Variants in VKORC1L1 observed in about 807,000 individuals in gnomAD.
VKORC1L1 encodes the protein vitamin K epoxide reductase complex subunit 1-like protein 1.
VKORC1L1 carries 2 observed loss-of-function variants against 18.9 expected under a neutral mutation model. The observed-to-expected ratio is 0.11, with a 90% CI of 0.04 to 0.33. VKORC1L1 has a LOEUF of 0.33. Among genes scored for constraint, VKORC1L1 ranks in the 10% least tolerant of loss-of-function variants. The pLI, the probability that VKORC1L1 is intolerant of heterozygous loss-of-function variation, is 1.00. For synonymous variants in VKORC1L1, 96 were observed against 100.0 expected (o/e 0.96, Z 0.24); for missense variants, 123 against 224.1 (o/e 0.55, Z 2.88).
intron 1 of VKORC1L1, among the ~76,000 whole-genome samples, chr7:65,905,047 A>ATATGTATACATATAGGTATGTATATG (rs1362056462): frequency 2.6e-5 from 4 of 151,978 alleles, no homozygotes; most frequent in African/African-American, 9.7e-5. Flanking sequence ...GTATGTATAT[A>ATATGTATACATATAGGTATGTATATG]TATACACCTA....
chr7:65,879,188 C>T (rs981241292), intron 1 of VKORC1L1, among the ~76,000 whole-genome samples: 3 of 152,102 alleles, frequency 2.0e-5, no homozygotes, highest in Non-Finnish European at 2.9e-5. Flanking sequence ...TGCTCCCATA[C>T]TTTAAATGCT....
chr7:65,954,525 A>G lies in VKORC1L1; in HGVS notation c.*225A>G. ...CAAAAAGGATACGCCGAGCCAATCA[A>G]AGACAAGCTTTAACTTTACTTTGAA... On this transcript the variant is annotated 3_prime_UTR_variant, in exon 3 of 3. Transcript: ENST00000360768. The G allele has an allele frequency of 2.7e-6, 2 of 754,474 alleles. No homozygotes were observed. Among genetic ancestry groups the G allele is most frequent in the Non-Finnish European group, 3.9e-6 (2 of 514,476 alleles). 46.7% of individuals were successfully genotyped at this position (754,474 alleles called of 1,614,324 possible). A position where few individuals can be genotyped will look rare whatever the true frequency, so the allele number is the denominator to read the frequency against.
intron 1 of VKORC1L1, among the ~76,000 whole-genome samples, chr7:65,881,630 C>G (rs1259409983): frequency 1.3e-5 from 2 of 152,136 alleles, no homozygotes; most frequent in Non-Finnish European, 2.9e-5. Flanking sequence ...CACACACATA[C>G]TGCATATAAA....
At chr7:65,939,767 A>G (rs1373514956) in intron 1 of VKORC1L1, among the ~76,000 whole-genome samples, 1 of 152,210 alleles carries the variant, frequency 6.6e-6, no homozygotes, top group South Asian at 2.1e-4. Context: ...TCAACCAGGC[A>G]CAGTGGTGTC....
intron 1 of VKORC1L1, among the ~76,000 whole-genome samples, chr7:65,898,682 AATTTTT>A (rs1789259262): frequency 6.6e-6 from 1 of 152,198 alleles, no homozygotes; most frequent in Non-Finnish European, 1.5e-5. Flanking sequence ...CATTTTTTAA[AATTTTT>A]AATTGTGATA....
In VKORC1L1 at chr7:65,958,132, G is replaced by A. The variant is rs892256151; in HGVS notation, c.*3832G>A. 3 of 152,068 alleles carry A rather than the reference G, an allele frequency of 2.0e-5. No homozygotes were observed. The highest frequency in any genetic ancestry group is 2.9e-5 in the Non-Finnish European group (2 of 68,044). The allele number at this position is 152,068 out of a possible 1,614,324, so 9.4% of individuals were successfully genotyped here. ...TGAAACATTTCAGACACCTCAGGCA[G>A]CACTTATGGTTTCTAATTGTGAGAA... is the stretch of plus-strand genomic sequence containing the variant. On this transcript the variant is annotated 3_prime_UTR_variant, in exon 3 of 3. Coordinates refer to ENST00000360768, the MANE Select transcript of VKORC1L1 (RefSeq NM_173517.6).
intron 1 of VKORC1L1, among the ~76,000 whole-genome samples, chr7:65,880,670 A>T (rs1205077697): frequency 6.6e-6 from 1 of 152,154 alleles, no homozygotes; most frequent in Non-Finnish European, 1.5e-5. Context: ...ATTTAAGAGG[A>T]GTTCATTTCC....
At chr7:65,868,947 T>C (rs1788693258), upstream of VKORC1L1, among the ~76,000 whole-genome samples, 1 of 152,058 alleles carries the variant, frequency 6.6e-6, no homozygotes, top group Admixed American at 6.6e-5. Flanking sequence ...TTGCCCCTGG[T>C]CCAGTTGTGA....
Position 65,954,553 on chromosome 7 carries a change from G to A in VKORC1L1, c.*253G>A. Reference sequence around the variant, plus strand: ...ACAAGCTTTAACTTTACTTTGAAGTGTTTCTGAAATGATAAAATGTAGCCC... The same window carrying A: ...ACAAGCTTTAACTTTACTTTGAAGTATTTCTGAAATGATAAAATGTAGCCC... On this transcript the variant is annotated 3_prime_UTR_variant, in exon 3 of 3. Coordinates refer to ENST00000360768, the MANE Select transcript of VKORC1L1 (RefSeq NM_173517.6). The A allele has an allele frequency of 1.6e-6, 1 of 615,676 alleles. No homozygotes were observed. Among genetic ancestry groups the A allele is most frequent in the Non-Finnish European group, 2.5e-6 (1 of 395,936 alleles). 38.1% of individuals were successfully genotyped at this position (615,676 alleles called of 1,614,324 possible).
intron 2 of VKORC1L1, among the ~76,000 whole-genome samples, chr7:65,949,152 C>T (rs557854229): frequency 3.9e-5 from 6 of 152,194 alleles, no homozygotes; most frequent in South Asian, 2.1e-4. Context: ...ATTACCTTTA[C>T]ATATCCACTA....
chr7:65,928,666 G>A (rs376470446), intron 1 of VKORC1L1, among the ~76,000 whole-genome samples: 1 of 152,162 alleles, frequency 6.6e-6, no homozygotes, highest in Non-Finnish European at 1.5e-5. Flanking sequence ...TGTTGCTTAC[G>A]TGTGGGACAA....
At chr7:65,871,221 A>C (rs1373544349), upstream of VKORC1L1, among the ~76,000 whole-genome samples, 1 of 144,264 alleles carries the variant, frequency 6.9e-6, no homozygotes, top group Non-Finnish European at 1.5e-5. Flanking sequence ...TTTGAGATGG[A>C]GTTTTTCCTT....
At chr7:65,876,840 G>A (rs1196346404) in intron 1 of VKORC1L1, among the ~76,000 whole-genome samples, 2 of 152,024 alleles carry the variant, frequency 1.3e-5, no homozygotes, top group African/African-American at 4.8e-5. Context: ...GAGCTCAGGA[G>A]TTTCAGACCA....
intron 1 of VKORC1L1, among the ~76,000 whole-genome samples, chr7:65,921,102 A>C (rs529936212): frequency 7.9e-5 from 12 of 151,862 alleles, no homozygotes; most frequent in Non-Finnish European, 1.6e-4. Context: ...TAACTTTTTG[A>C]GATTGATACT....
chr7:65,912,308 A>T (rs897254775), intron 1 of VKORC1L1, among the ~76,000 whole-genome samples: 5 of 152,224 alleles, frequency 3.3e-5, no homozygotes, highest in Non-Finnish European at 7.3e-5. Context: ...AGCTTATATT[A>T]GTGGAGCTGT....
chr7:65,878,125 T>C (rs182149476), intron 1 of VKORC1L1, among the ~76,000 whole-genome samples: 4 of 152,168 alleles, frequency 2.6e-5, no homozygotes, highest in East Asian at 3.9e-4. Context: ...TACTACCCCA[T>C]TGAGATAATA....
chr7:65,896,610 TTTCTTCTTCCTC>T (rs1234075334), intron 1 of VKORC1L1, among the ~76,000 whole-genome samples: 2 of 145,122 alleles, frequency 1.4e-5, no homozygotes, highest in Non-Finnish European at 3.0e-5. Context: ...TCCTCTTCCT[TTTCTTCTTCCTC>T]TTTCTCTTCC....
chr7:65,866,768 T>C, the VKORC1L1 span, among the ~76,000 whole-genome samples: 6 of 151,562 alleles, frequency 4.0e-5, no homozygotes, highest in East Asian at 1.9e-4. Context: ...AAGAAATCAA[T>C]TGGGTACGGT....
In VKORC1L1 at chr7:65,956,401, A is replaced by C. The variant is rs1420211792; in HGVS notation, c.*2101A>C. 1.3e-5 allele frequency: 2 copies of C among 152,228 alleles called. No homozygotes were observed. Among genetic ancestry groups the C allele is most frequent in the Non-Finnish European group, 2.9e-5 (2 of 68,054 alleles). 9.4% of individuals were successfully genotyped at this position (152,228 alleles called of 1,614,324 possible). On this transcript the variant is annotated 3_prime_UTR_variant, in exon 3 of 3. Transcript: ENST00000360768. ...CATCCTATTTTGTATCAATCAACAG[A>C]GTATAGTTAAAGCTTGTCTTGATGT...
Sources: gnomAD v4.1 joint callset for allele counts (sites outside exome capture counted in the v4.1 genomes callset) on GRCh38, gnomAD v4.1.1 for gene constraint, MANE v1.5 for transcripts, NCBI Gene and HGNC (gene_info 2026-07-23, HGNC 2026-07-21) for gene names.